FGD6: variants seen among roughly 807,000 people sequenced by gnomAD.
The protein encoded by FGD6 is FYVE, RhoGEF and PH domain-containing protein 6.
Under a neutral mutation model 149.4 loss-of-function variants are expected in FGD6, and 90 were observed. The observed-to-expected ratio is 0.60, with a 90% CI of 0.51 to 0.72. The LOEUF is 0.72. Ranked by LOEUF, FGD6 falls within the 30% of genes least tolerant of loss-of-function variation. The pLI is 0.00. For missense variants in FGD6, 1,437 were observed against 1,684.8 expected, an observed-to-expected ratio of 0.85 and a Z score of 2.57; for synonymous variants, 527 against 584.0, an observed-to-expected ratio of 0.90 and a Z score of 1.41.
chr12:95,106,932 A>AACATC, intron 13 of FGD6, 22 bp downstream of exon 13: 2 of 1,506,974 alleles, frequency 1.3e-6, no homozygotes, highest in Admixed American at 3.7e-5. Context: ...CAAAAAACAA[A>AACATC]ACATCTAACA....
At chr12:95,188,099 G>A (rs989649773) in intron 2 of FGD6, among the ~76,000 whole-genome samples, 2 of 152,152 alleles carry the variant, frequency 1.3e-5, no homozygotes, top group Admixed American at 6.5e-5. Flanking sequence ...CATACCTCAC[G>A]TATGCAATAA....
In FGD6 at chr12:95,210,947, T is replaced by C. The variant is rs2056723136; in HGVS notation, c.337A>G (p.Ser113Gly). Residue 113 changes from serine (S) to glycine (G), a missense_variant, in exon 2 of 21, where the codon AGT becomes GGT. By Grantham distance (56) the Ser-to-Gly change is moderately conservative. This residue lies in a region of FGD6 where 1,055 missense variants were observed against 1,146.0 expected (regional missense o/e 0.92). Transcript: ENST00000343958. The stretch of plus-strand genomic sequence containing the variant: ...CCCAGCTTATGGATACACTCAGAAC[T>C]GCAGGAACACATTGGTGAAATATAA... ...NDYISPMCSC[S>G]SECIHKLGHR... 6.2e-7 allele frequency: 1 copy of C among 1,614,134 alleles called. No individual in the cohort carries two copies. The highest frequency in any genetic ancestry group is 8.5e-7 in the Non-Finnish European group (1 of 1,180,060).
intron 3 of FGD6, among the ~76,000 whole-genome samples, chr12:95,171,947 C>T (rs1881001046): frequency 7.0e-6 from 1 of 143,848 alleles, no homozygotes; most frequent in Admixed American, 7.6e-5. Flanking sequence ...TTATTCTTTC[C>T]CAAAATAATT....
At chr12:95,195,304 G>A (rs991435364) in intron 2 of FGD6, among the ~76,000 whole-genome samples, 3 of 152,080 alleles carry the variant, frequency 2.0e-5, no homozygotes, top group Admixed American at 2.0e-4. Flanking sequence ...CTGTCATCAG[G>A]TAGGAATCTC....
chr12:95,099,854 A>G (rs1176152485), intron 14 of FGD6, among the ~76,000 whole-genome samples: 1 of 151,954 alleles, frequency 6.6e-6, no homozygotes, highest in Non-Finnish European at 1.5e-5. Flanking sequence ...CTAAACTGTA[A>G]CTCACATTTA....
Position 95,080,355 on chromosome 12 carries a change from A to G in FGD6, c.*1165T>C, listed in dbSNP as rs1031247733. On this transcript the variant is annotated 3_prime_UTR_variant, in exon 21 of 21. Coordinates refer to ENST00000343958, the MANE Select transcript of FGD6 (RefSeq NM_018351.4). Reference sequence around the variant, plus strand: ...ATTTCATTTTCTTCTGCTAATCAACAATTGTATGTGCAAGGTAGTTCATAT... The same window carrying G: ...ATTTCATTTTCTTCTGCTAATCAACGATTGTATGTGCAAGGTAGTTCATAT... The G allele has an allele frequency of 6.6e-6, 1 of 152,128 alleles. No homozygotes were observed. The highest frequency in any genetic ancestry group is 1.5e-5 in the Non-Finnish European group (1 of 68,034). The allele number at this position is 152,128 out of a possible 1,614,324, so 9.4% of individuals were successfully genotyped here.
At chr12:95,131,186 ACCACAACCTCT>A (rs1357125620) in intron 8 of FGD6, among the ~76,000 whole-genome samples, 1 of 146,016 alleles carries the variant, frequency 6.8e-6, no homozygotes, top group East Asian at 2.0e-4. Context: ...ATCTCAGCTC[ACCACAACCTCT>A]GCCTCTCGGG....
chr12:95,149,737 GATAA>G (rs1880238030), intron 5 of FGD6, among the ~76,000 whole-genome samples: 1 of 143,416 alleles, frequency 7.0e-6, no homozygotes, highest in South Asian at 2.1e-4. Flanking sequence ...AATTATGTTT[GATAA>G]ATAAGTGACT....
chr12:95,206,648 A>G (rs2056694122), intron 2 of FGD6, among the ~76,000 whole-genome samples: 1 of 151,772 alleles, frequency 6.6e-6, no homozygotes, highest in Non-Finnish European at 1.5e-5. Context: ...AGCCTTGACT[A>G]TACAACTGTA....
chr12:95,150,719 T>C (rs7138903), intron 5 of FGD6, among the ~76,000 whole-genome samples: 133,140 of 151,868 alleles, frequency 0.88, 58,703 homozygotes, highest in African/African-American at 0.96. Flanking sequence ...AGGGATTCTT[T>C]TGGCTCAGCC....
intron 2 of FGD6, among the ~76,000 whole-genome samples, chr12:95,190,950 C>T (rs1255315810): frequency 6.6e-6 from 1 of 152,114 alleles, no homozygotes; most frequent in East Asian, 1.9e-4. Flanking sequence ...TTCACCAGAA[C>T]ATTTTAGTAA....
intron 1 of FGD6, among the ~76,000 whole-genome samples, chr12:95,214,285 A>T (rs1215335432): frequency 3.9e-5 from 6 of 152,196 alleles, no homozygotes; most frequent in African/African-American, 1.4e-4. Context: ...CACATTCAAA[A>T]ATGTACATCC....
intron 8 of FGD6, among the ~76,000 whole-genome samples, chr12:95,126,625 G>A (rs1413231654): frequency 2.0e-5 from 3 of 151,838 alleles, no homozygotes; most frequent in Admixed American, 2.0e-4. Context: ...CAGCTACTCA[G>A]GAGGCTGAGG....
chr12:95,202,001 T>C (rs1052167251), intron 2 of FGD6, among the ~76,000 whole-genome samples: 3 of 141,204 alleles, frequency 2.1e-5, no homozygotes, highest in African/African-American at 5.3e-5. Context: ...CACACACACA[T>C]CTTCTTCTTC....
In FGD6 at chr12:95,191,526, T is replaced by C. The variant is rs193254261; in HGVS notation, c.2441+17317A>G. Among the ~76,000 whole-genome samples the C allele has an allele frequency of 2.0e-5, 3 of 152,316 alleles. No individual in the cohort carries two copies. The East Asian group carries it at 5.8e-4, about 29-fold the overall frequency. On this transcript the variant is annotated intron_variant, in intron 2 of 20. Coordinates refer to ENST00000343958, the MANE Select transcript of FGD6 (RefSeq NM_018351.4). ...AACCTGACCACTGTTTGCTCAGATG[T>C]GACTACTTAATTTGTGCCAGGTATC...
At chr12:95,197,442 AAAAC>A (rs780616338) in intron 2 of FGD6, among the ~76,000 whole-genome samples, 8 of 152,226 alleles carry the variant, frequency 5.3e-5, no homozygotes, top group African/African-American at 9.6e-5. Context: ...CTAAAAAATA[AAAAC>A]AAACAAACAA....
In FGD6 at chr12:95,209,910, C is replaced by T; in HGVS notation, c.1374G>A (p.Gln458=). Residue 458 remains glutamine (Q), a synonymous_variant, in exon 2 of 21, where the codon CAG becomes CAA. Transcript: ENST00000343958. Reference sequence around the variant, plus strand: ...AATGTTCATTGCAAGTTAATTTGAGCTGCTTAGGCAGGCTCATAGATACAG... The same window carrying T: ...AATGTTCATTGCAAGTTAATTTGAGTTGCTTAGGCAGGCTCATAGATACAG... ...RCTVSMSLPK[Q]LKLTCNEHLQ... 6.2e-7 allele frequency: 1 copy of T among 1,613,184 alleles called. No individual in the cohort carries two copies. The highest frequency in any genetic ancestry group is 2.2e-5 in the East Asian group (1 of 44,886).
At chr12:95,147,070 A>G (rs190691449) in intron 5 of FGD6, among the ~76,000 whole-genome samples, 1 of 152,282 alleles carries the variant, frequency 6.6e-6, no homozygotes, top group East Asian at 1.9e-4. Flanking sequence ...TGAATTACAA[A>G]GACCAAATGA....
intron 3 of FGD6, among the ~76,000 whole-genome samples, chr12:95,162,045 C>T (rs1358162701): frequency 1.4e-5 from 2 of 143,524 alleles, no homozygotes; most frequent in African/African-American, 5.2e-5. Context: ...AGGAGGATCA[C>T]TTGAGGCCAG....
Sources: allele counts gnomAD v4.1 joint callset (sites outside exome capture counted in the v4.1 genomes callset), GRCh38; gene constraint gnomAD v4.1.1; regional missense constraint gnomAD v4.1.1; transcripts MANE v1.5; gene names NCBI Gene and HGNC (gene_info 2026-07-23, HGNC 2026-07-21).